Variants in LUZP2 observed in about 807,000 individuals in gnomAD.
LUZP2 encodes the protein leucine zipper protein 2.
A neutral mutation model predicts 51.6 loss-of-function variants in LUZP2; 52 were observed. The ratio of observed to expected loss-of-function variants is 1.01; its 90% CI spans 0.81 to 1.27. The LOEUF (loss-of-function observed/expected upper bound fraction) is 1.27. Among genes scored for constraint, LUZP2 ranks in the 50% most tolerant of loss-of-function variants. LUZP2 has a pLI of 0.00. For missense variants in LUZP2, 436 were observed against 395.4 expected (o/e 1.10, Z -0.87); for synonymous variants, 154 against 137.3 (o/e 1.12, Z -0.85).
chr11:24,683,923 T>C (rs1390403216), intron 1 of LUZP2, among the ~76,000 whole-genome samples: 1 of 152,060 alleles, frequency 6.6e-6, no homozygotes, highest in Non-Finnish European at 1.5e-5. Flanking sequence ...CCAATAAGTA[T>C]GTAAGATCCC....
chr11:24,558,794 A>T (rs1248945872), intron 1 of LUZP2, among the ~76,000 whole-genome samples: 1 of 152,140 alleles, frequency 6.6e-6, no homozygotes. Context: ...AGTGTTTGTC[A>T]CTTTTGTCCT....
chr11:24,675,789 ATATT>A (rs61265735), intron 1 of LUZP2, among the ~76,000 whole-genome samples: 7,198 of 136,702 alleles, frequency 0.053, 439 homozygotes, highest in African/African-American at 0.15. Context: ...TCTTTTTTTT[ATATT>A]TATTTATTTA....
chr11:24,630,254 A>G (rs1854833163), intron 1 of LUZP2, among the ~76,000 whole-genome samples: 1 of 152,000 alleles, frequency 6.6e-6, no homozygotes. Context: ...CTTAGTCATT[A>G]ATTCTTTGCC....
intron 1 of LUZP2, among the ~76,000 whole-genome samples, chr11:24,562,318 C>T (rs1852068668): frequency 6.6e-6 from 1 of 152,044 alleles, no homozygotes; most frequent in Non-Finnish European, 1.5e-5. Flanking sequence ...ACTATAACAT[C>T]TTGTCCTATG....
At chr11:24,974,928 T>C (rs1287400030) in intron 7 of LUZP2, among the ~76,000 whole-genome samples, 1 of 152,000 alleles carries the variant, frequency 6.6e-6, no homozygotes, top group Non-Finnish European at 1.5e-5. Context: ...AATGAATAAA[T>C]AGGGAAAATG....
intron 5 of LUZP2, among the ~76,000 whole-genome samples, chr11:24,814,186 C>T (rs1414290795): frequency 1.3e-5 from 2 of 152,172 alleles, no homozygotes; most frequent in Admixed American, 1.3e-4. Flanking sequence ...CTCCTTTGCC[C>T]TATCTTTTCC....
In LUZP2 at chr11:24,764,490, TAAAAAA is replaced by T. The variant is rs869045272; in HGVS notation, c.396+1203_396+1208del. On this transcript the variant is annotated intron_variant, in intron 5 of 11. Coordinates refer to ENST00000336930, the MANE Select transcript of LUZP2 (RefSeq NM_001009909.4). The stretch of plus-strand genomic sequence containing the variant: ...GGACAACATGGTAAAATCTCATCTC[TAAAAAA>T]AAAAAAAAAAAAAAAAAAAATTAGC... Among the ~76,000 whole-genome samples the T allele has an allele frequency of 4.2e-3, 397 of 94,032 alleles. 10 individuals carry two copies. Among genetic ancestry groups the T allele is most frequent in the African/African-American group, 0.014 (363 of 26,746 alleles). The allele number at this position is 94,032 out of a possible 152,430, so 61.7% of individuals were successfully genotyped here.
At chr11:24,901,489 T>C (rs1853282006) in intron 5 of LUZP2, among the ~76,000 whole-genome samples, 1 of 151,400 alleles carries the variant, frequency 6.6e-6, no homozygotes. Flanking sequence ...TGAGAAAAAA[T>C]TCTTCATGAC....
intron 1 of LUZP2, among the ~76,000 whole-genome samples, chr11:24,594,784 G>T (rs1364062199): frequency 7.6e-6 from 1 of 132,170 alleles, no homozygotes; most frequent in East Asian, 2.1e-4. Context: ...TTTTGAGGTG[G>T]AGTCTTGCTC....
chr11:24,915,711 GTAGA>G (rs987769504), intron 7 of LUZP2, among the ~76,000 whole-genome samples: 21 of 151,900 alleles, frequency 1.4e-4, no homozygotes, highest in Non-Finnish European at 2.6e-4. Flanking sequence ...GATTAGATAG[GTAGA>G]TAGATAGATG....
intron 5 of LUZP2, among the ~76,000 whole-genome samples, chr11:24,828,105 A>G (rs557194813): frequency 2.0e-5 from 3 of 152,262 alleles, no homozygotes; most frequent in African/African-American, 7.2e-5. Flanking sequence ...GGAGAAAACT[A>G]TAGAAAAAAC....
chr11:24,961,753 A>C (rs968316544), intron 7 of LUZP2, among the ~76,000 whole-genome samples: 11 of 149,302 alleles, frequency 7.4e-5, no homozygotes, highest in African/African-American at 2.7e-4. Flanking sequence ...TTACATTTAA[A>C]GTTAATATTG....
intron 7 of LUZP2, among the ~76,000 whole-genome samples, chr11:24,968,509 T>C (rs950098130): frequency 6.6e-6 from 1 of 152,142 alleles, no homozygotes. Flanking sequence ...TCTCTGGAGC[T>C]CTACTATCCT....
At chr11:24,640,277 G>T (rs891108672) in intron 1 of LUZP2, among the ~76,000 whole-genome samples, 1 of 151,874 alleles carries the variant, frequency 6.6e-6, no homozygotes, top group Non-Finnish European at 1.5e-5. Context: ...AAAGTTAAGG[G>T]CATCTTGGTC....
chr11:24,828,065 G>A (rs952380448), intron 5 of LUZP2, among the ~76,000 whole-genome samples: 7 of 151,204 alleles, frequency 4.6e-5, no homozygotes, highest in South Asian at 4.2e-4. Context: ...ACACACAGAC[G>A]CAGACACACA....
intron 1 of LUZP2, among the ~76,000 whole-genome samples, chr11:24,501,343 A>T (rs1476397836): frequency 6.6e-6 from 1 of 152,196 alleles, no homozygotes. Flanking sequence ...AATGATAGGG[A>T]CATCTCAAAT....
chr11:24,756,505 G>C (rs940622728), intron 4 of LUZP2, among the ~76,000 whole-genome samples: 1 of 152,166 alleles, frequency 6.6e-6, no homozygotes, highest in Non-Finnish European at 1.5e-5. Context: ...GGGGGACCAT[G>C]TGGCCACCCA....
chr11:24,890,655 C>A (rs1290475472), intron 5 of LUZP2, among the ~76,000 whole-genome samples: 1 of 152,034 alleles, frequency 6.6e-6, no homozygotes, highest in Non-Finnish European at 1.5e-5. Flanking sequence ...TACCTACTGG[C>A]ATCAAAAAAT....
At chr11:24,511,227 G>A (rs937044736) in intron 1 of LUZP2, among the ~76,000 whole-genome samples, 3 of 152,036 alleles carry the variant, frequency 2.0e-5, no homozygotes, top group Non-Finnish European at 4.4e-5. Context: ...TGTATAGTAA[G>A]CCCTTATTTA....
Sources: gnomAD v4.1 joint callset for allele counts (sites outside exome capture counted in the v4.1 genomes callset) on GRCh38, gnomAD v4.1.1 for gene constraint, MANE v1.5 for transcripts, NCBI Gene and HGNC (gene_info 2026-07-23, HGNC 2026-07-21) for gene names.